PDE6G: variants seen among roughly 807,000 people sequenced by gnomAD.
The protein encoded by PDE6G is phosphodiesterase 6G.
In PDE6G, 10 loss-of-function variants were observed where a neutral mutation model predicts 10.9. The ratio of observed to expected loss-of-function variants is 0.91; its 90% confidence interval spans 0.56 to 1.55. The LOEUF (loss-of-function observed/expected upper bound fraction) is 1.55, where lower values mean the gene tolerates loss of function less well. Ranked by LOEUF, PDE6G falls within the 40% of genes most tolerant of loss-of-function variation. PDE6G has a pLI of 0.00. For missense variants in PDE6G, 102 were observed against 110.1 expected (o/e 0.93, Z 0.33); for synonymous variants, 41 against 42.8 (o/e 0.96, Z 0.16).
chr17:81,654,318 C>T lies in PDE6G; in HGVS notation c.-59-954G>A, dbSNP rs368228695. ...GGTTCTGATTTGCCGCTTCTCATCACGCGTCGAGTTAGCCCTGATTCCAGG... is the reference window on the plus strand; with the variant it reads ...GGTTCTGATTTGCCGCTTCTCATCATGCGTCGAGTTAGCCCTGATTCCAGG... On this transcript the variant is annotated intron_variant, in intron 1 of 3. Transcript: ENST00000331056. 1.1e-3 allele frequency among the ~76,000 whole-genome samples: 167 copies of T among 152,180 alleles called. 1 individual carries two copies. Among genetic ancestry groups the T allele is most frequent in the African/African-American group, 3.7e-3 (154 of 41,540 alleles).
chr17:81,662,843 C>T (rs1340305361), intron 1 of PDE6G, among the ~76,000 whole-genome samples: 1 of 150,782 alleles, frequency 6.6e-6, no homozygotes, highest in Non-Finnish European at 1.5e-5. Context: ...AGTAAAAATA[C>T]AAAAAATTAG....
At position 81,653,074 on chromosome 17, in the gene PDE6G, C is replaced by T. The variant is rs2036387177; in HGVS notation, c.146+86G>A. 3.3e-6 allele frequency: 5 copies of T among 1,510,622 alleles called. No homozygotes were observed. Among genetic ancestry groups the T allele is most frequent in the Non-Finnish European group, 4.6e-6 (5 of 1,086,790 alleles). The allele number at this position is 1,510,622 out of a possible 1,614,324, so 93.6% of individuals were successfully genotyped here. A position where few individuals can be genotyped will look rare whatever the true frequency, so the allele number is the denominator to read the frequency against. On this transcript the variant is annotated intron_variant, in intron 2 of 3. Coordinates refer to ENST00000331056, the MANE Select transcript of PDE6G (RefSeq NM_002602.4). The surrounding 1 kb of genome is among the most constrained non-coding windows in gnomAD (Gnocchi z 5.2). ...GGACCACTCACCCAGTGAAGTGGCC[C>T]CAGGCTCTGCCCCGCCCTCCCCTTC...
chr17:81,653,897 G>A lies in PDE6G; in HGVS notation c.-59-533C>T, dbSNP rs1317071425. The stretch of plus-strand genomic sequence containing the variant: ...ACTATCTCGGCTCACTGCAACCTCC[G>A]CCTCCCGGGTTCAAGTGATTCTCCT... On this transcript the variant is annotated intron_variant, in intron 1 of 3. Coordinates refer to ENST00000331056, the MANE Select transcript of PDE6G (RefSeq NM_002602.4). The surrounding 1 kb of genome is among the most constrained non-coding windows in gnomAD (Gnocchi z 5.2). Among the ~76,000 whole-genome samples the A allele has an allele frequency of 1.3e-5, 2 of 152,068 alleles. No individual in the cohort carries two copies. The highest frequency in any genetic ancestry group is 2.9e-5 in the Non-Finnish European group (2 of 68,010).
At position 81,653,125 on chromosome 17, in the gene PDE6G, C is replaced by G. The variant is rs1197344846; in HGVS notation, c.146+35G>C. Reference sequence around the variant, plus strand: ...CTGTGCAGCCTCAGGACCGCCTCCTCCCTTTCAGAGGCCCCATCCCCCAGC... The same window carrying G: ...CTGTGCAGCCTCAGGACCGCCTCCTGCCTTTCAGAGGCCCCATCCCCCAGC... On this transcript the variant is annotated intron_variant, in intron 2 of 3. Coordinates refer to ENST00000331056, the MANE Select transcript of PDE6G (RefSeq NM_002602.4). This position sits in a 1 kb window ranked among gnomAD's most constrained non-coding sequence, Gnocchi z 5.2. The G allele has an allele frequency of 1.9e-6, 3 of 1,612,234 alleles. No individual in the cohort carries two copies. The highest frequency in any genetic ancestry group is 1.3e-5 in the African/African-American group (1 of 74,864).
At position 81,651,565 on chromosome 17, in the gene PDE6G, G is replaced by C. The variant is rs2036355967; in HGVS notation, c.187+80C>G. On this transcript the variant is annotated intron_variant, in intron 3 of 3. Transcript: ENST00000331056. The surrounding 1 kb of genome is among the most constrained non-coding windows in gnomAD (Gnocchi z 4.8). The stretch of plus-strand genomic sequence containing the variant: ...GCAGGGGAGGTGGGGGCCGAGGTGG[G>C]CTGCAATGGGCCCCGGGCGTGCTGG... The C allele has an allele frequency of 1.5e-6, 2 of 1,344,202 alleles. No individual in the cohort carries two copies. Among genetic ancestry groups the C allele is most frequent in the East Asian group, 2.3e-5 (1 of 43,590 alleles). The allele number at this position is 1,344,202 out of a possible 1,614,324, so 83.3% of individuals were successfully genotyped here. A position where few individuals can be genotyped will look rare whatever the true frequency, so the allele number is the denominator to read the frequency against.
intron 1 of PDE6G, chr17:81,662,912 T>G (rs945204633): frequency 6.6e-6 from 1 of 152,156 alleles, no homozygotes; most frequent in South Asian, 2.1e-4. Flanking sequence ...GGCAGGAGAA[T>G]GGCTTTGAAC....
upstream of PDE6G, among the ~76,000 whole-genome samples, chr17:81,657,880 CAAATGAATAAAT>C (rs139892745): frequency 0.094 from 13,060 of 138,656 alleles, 816 homozygotes; most frequent in East Asian, 0.21. Context: ...GATTCTGTTT[CAAATGAATAAAT>C]AAATAAATAA....
Position 81,650,679 on chromosome 17 carries a change from G to C in PDE6G, c.*395C>G, listed in dbSNP as rs1290640527. 5 of 457,958 alleles carry C rather than the reference G, an allele frequency of 1.1e-5. No individual in the cohort carries two copies. Among genetic ancestry groups the C allele is most frequent in the South Asian group, 4.7e-5 (3 of 64,498 alleles). 28.4% of individuals were successfully genotyped at this position (457,958 alleles called of 1,614,324 possible). A position where few individuals can be genotyped will look rare whatever the true frequency, so the allele number is the denominator to read the frequency against. On this transcript the variant is annotated 3_prime_UTR_variant, in exon 4 of 4. Transcript: ENST00000331056. ...CCCTTACAGGCAGGACAGGGGGCTG[G>C]GGTGCAGAAGCACTCTGGGGAGACC...
intron 1 of PDE6G, among the ~76,000 whole-genome samples, chr17:81,656,186 C>G (rs1440105439): frequency 6.6e-6 from 1 of 152,244 alleles, no homozygotes; most frequent in African/African-American, 2.4e-5. Context: ...CTGCGCTGCC[C>G]TGGCCCGACC....
At position 81,661,995 on chromosome 17, in the gene PDE6G, C is replaced by T. The variant is rs200274673; in HGVS notation, c.-60+1064G>A. On this transcript the variant is annotated intron_variant, in intron 1 of 3. Coordinates refer to the PDE6G transcript ENST00000571224. ...GCAGTGAGCCAAGATCGCACCACTACACTCCAACCTGGGTGACAGGGCGAG... is the reference window on the plus strand; with the variant it reads ...GCAGTGAGCCAAGATCGCACCACTATACTCCAACCTGGGTGACAGGGCGAG... Among the ~76,000 whole-genome samples the T allele has an allele frequency of 5.2e-4, 79 of 151,972 alleles. 2 individuals are homozygous for T. The East Asian group carries it at 0.014, about 27-fold the overall frequency.
chr17:81,651,188 A>C lies in PDE6G; in HGVS notation c.188-38T>G, dbSNP rs775054270. On this transcript the variant is annotated intron_variant, in intron 3 of 3. Coordinates refer to ENST00000331056, the MANE Select transcript of PDE6G (RefSeq NM_002602.4). This position sits in a 1 kb window ranked among gnomAD's most constrained non-coding sequence, Gnocchi z 4.8. ...CGGGCCACGGATCAGAGAGGATCCC[A>C]CGGCCTAGGGACCCCCCCATCCCCT... 1 of 1,475,182 alleles carries C rather than the reference A, an allele frequency of 6.8e-7. No homozygotes were observed. Among genetic ancestry groups the C allele is most frequent in the Non-Finnish European group, 9.5e-7 (1 of 1,054,044 alleles). The allele number at this position is 1,475,182 out of a possible 1,614,324, so 91.4% of individuals were successfully genotyped here. A position where few individuals can be genotyped will look rare whatever the true frequency, so the allele number is the denominator to read the frequency against.
At chr17:81,655,191 G>A (rs1447948855) in intron 1 of PDE6G, among the ~76,000 whole-genome samples, 2 of 152,176 alleles carry the variant, frequency 1.3e-5, no homozygotes, top group South Asian at 2.1e-4. Flanking sequence ...CGGGCACCCC[G>A]CAGTGCTGAT....
chr17:81,657,042 T>C (rs2036456310), upstream of PDE6G: 1 of 195,840 alleles, frequency 5.1e-6, no homozygotes, highest in Admixed American at 5.3e-5. Context: ...CAATGTTGAG[T>C]TCCTTCAAGG....
rs749465692 is a variant in PDE6G at position 81,651,929 on chromosome 17, G to A, written c.147-244C>T. Among the ~76,000 whole-genome samples the A allele has an allele frequency of 1.3e-5, 2 of 152,216 alleles. No individual in the cohort carries two copies. The highest frequency in any genetic ancestry group is 2.9e-5 in the Non-Finnish European group (2 of 68,038). On this transcript the variant is annotated intron_variant, in intron 2 of 3. Coordinates refer to ENST00000331056, the MANE Select transcript of PDE6G (RefSeq NM_002602.4). The surrounding 1 kb of genome is among the most constrained non-coding windows in gnomAD (Gnocchi z 4.8). ...CTGAGGCCTAGAAAAGGAGGTGCAA[G>A]TCCCAGGATGCTGGGCAGGTGCGTG...
At chr17:81,656,159 C>T (rs1013385506) in intron 1 of PDE6G, among the ~76,000 whole-genome samples, 1 of 152,228 alleles carries the variant, frequency 6.6e-6, no homozygotes, top group African/African-American at 2.4e-5. Flanking sequence ...AGATGCCATC[C>T]ATGTGGAAAC....
chr17:81,657,899 AT>A (rs1160284271), upstream of PDE6G, among the ~76,000 whole-genome samples: 1 of 151,032 alleles, frequency 6.6e-6, no homozygotes, highest in Non-Finnish European at 1.5e-5. Context: ...AAATAAATAA[AT>A]AAATAAATAA....
At chr17:81,659,477 T>C (rs2036489806), upstream of PDE6G, among the ~76,000 whole-genome samples, 1 of 150,256 alleles carries the variant, frequency 6.7e-6, no homozygotes, top group Admixed American at 6.7e-5. Flanking sequence ...CGGGCGCCTG[T>C]AGTCCCAGCT....
At chr17:81,662,505 C>T (rs1309940044) in intron 1 of PDE6G, among the ~76,000 whole-genome samples, 1 of 152,128 alleles carries the variant, frequency 6.6e-6, no homozygotes, top group African/African-American at 2.4e-5. Context: ...CGCCTGTAGT[C>T]CCAGCTACTT....
chr17:81,660,791 C>T (rs1194145989), upstream of PDE6G, among the ~76,000 whole-genome samples: 1 of 152,166 alleles, frequency 6.6e-6, no homozygotes, highest in Admixed American at 6.6e-5. Flanking sequence ...CGTGCCCGGC[C>T]GGACATACGT....
Sources: gnomAD v4.1 joint callset for allele counts (sites outside exome capture counted in the v4.1 genomes callset) on GRCh38, gnomAD v4.1.1 for gene constraint, Gnocchi (gnomAD v3.1) non-coding constraint, MANE v1.5 for transcripts, NCBI Gene and HGNC (gene_info 2026-07-23, HGNC 2026-07-21) for gene names.